Variants in CFAP57 observed in about 807,000 individuals in gnomAD.
CFAP57 encodes cilia- and flagella-associated protein 57.
Under a neutral mutation model 146.8 loss-of-function variants are expected in CFAP57, and 116 were observed. The ratio of observed to expected loss-of-function variants is 0.79; its 90% CI spans 0.68 to 0.92. The LOEUF is 0.92. CFAP57 is among the 40% of genes least tolerant of loss of function. CFAP57 has a pLI of 0.00. For synonymous variants in CFAP57, 518 were observed against 552.8 expected (o/e 0.94, Z 0.88); for missense variants, 1,377 against 1,527.2 (o/e 0.90, Z 1.64).
At chr1:43,192,888 T>TTG (rs1360478126) in intron 6 of CFAP57, among the ~76,000 whole-genome samples, 1 of 151,996 alleles carries the variant, frequency 6.6e-6, no homozygotes, top group African/African-American at 2.4e-5. Flanking sequence ...GATCATGCCA[T>TTG]TGTACTCCAG....
chr1:43,223,798 C>G (rs550487558), intron 16 of CFAP57, among the ~76,000 whole-genome samples: 3 of 152,314 alleles, frequency 2.0e-5, no homozygotes, highest in African/African-American at 7.2e-5. Context: ...AGTCAGTCCT[C>G]TCATATGGAG....
At position 43,227,142 on chromosome 1, in the gene CFAP57, C is replaced by T; in HGVS notation, c.3009+16C>T. 1 of 1,519,956 alleles carries T rather than the reference C, an allele frequency of 6.6e-7. No individual in the cohort carries two copies. Among genetic ancestry groups the T allele is most frequent in the South Asian group, 1.3e-5 (1 of 78,572 alleles). The allele number at this position is 1,519,956 out of a possible 1,614,324, so 94.2% of individuals were successfully genotyped here. A position where few individuals can be genotyped will look rare whatever the true frequency, so the allele number is the denominator to read the frequency against. ...GATTCAGGAGGTAAGAAGCCATTTG[C>T]AACACTCTGGCCTCTCAGACCCTCT... On this transcript the variant is annotated intron_variant, in intron 18 of 22. Coordinates refer to ENST00000372492, the MANE Select transcript of CFAP57 (RefSeq NM_001378189.1).
At position 43,198,555 on chromosome 1, in the gene CFAP57, T is replaced by C. The variant is rs745387050; in HGVS notation, c.1337T>C (p.Val446Ala). 1 of 1,614,124 alleles carries C rather than the reference T, an allele frequency of 6.2e-7. No individual in the cohort carries two copies. The highest frequency in any genetic ancestry group is 8.5e-7 in the Non-Finnish European group (1 of 1,179,986). The change falls in exon 8 of 23, where the codon GTA becomes GCA. Residue 446 changes from valine (V) to alanine (A), a missense_variant. Transcript: ENST00000372492. Reference sequence around the variant, plus strand: ...CTTCATCCATCTGGACACTTCATTGTAGTAGGGTTTGCTGACAAACTACGC... The same window carrying C: ...CTTCATCCATCTGGACACTTCATTGCAGTAGGGTTTGCTGACAAACTACGC... ...ISLHPSGHFI[V>A]VGFADKLRLM...
chr1:43,209,495 A>C (rs1239215805), intron 10 of CFAP57, among the ~76,000 whole-genome samples: 3 of 152,210 alleles, frequency 2.0e-5, no homozygotes, highest in Non-Finnish European at 2.9e-5. Flanking sequence ...CTATATGAAT[A>C]TCTCTCTCTA....
Position 43,206,711 on chromosome 1 carries a change from C to T in CFAP57, c.1543-9C>T, listed in dbSNP as rs372372259. 1.2e-6 allele frequency: 2 copies of T among 1,612,918 alleles called. No homozygotes were observed. The highest frequency in any genetic ancestry group is 2.2e-5 in the East Asian group (1 of 44,828). Reference sequence around the variant, plus strand: ...CACTCTTCACTGGATATGTCTTCCTCTCCTGCAGATTCGCTCAATTGTGTG... The same window carrying T: ...CACTCTTCACTGGATATGTCTTCCTTTCCTGCAGATTCGCTCAATTGTGTG... On this transcript the variant is annotated splice_polypyrimidine_tract_variant and intron_variant, in intron 9 of 22. Transcript: ENST00000372492.
Position 43,224,097 on chromosome 1 carries a change from C to G in CFAP57, c.2758C>G (p.Leu920Val). ...AGAACGAACCAATGACATCGAGACC[C>G]TAAAAGGAGAGCAGATGAAGCTGCA... is the stretch of plus-strand genomic sequence containing the variant. ...IEERTNDIET[L>V]KGEQMKLQGV... is the part of the protein sequence containing the mutation. Residue 920 changes from leucine to valine, a missense_variant, in exon 17 of 23, where the codon CTA (leucine) becomes GTA (valine). Coordinates refer to ENST00000372492, the MANE Select transcript of CFAP57 (RefSeq NM_001378189.1). 1 of 1,550,532 alleles carries G rather than the reference C, an allele frequency of 6.4e-7. No homozygotes were observed. Among genetic ancestry groups the G allele is most frequent in the Non-Finnish European group, 8.7e-7 (1 of 1,146,974 alleles).
rs770678497 is a variant in CFAP57, at chr1:43,224,024, T to C, written c.2707-22T>C. 8 of 1,550,100 alleles carry C rather than the reference T, an allele frequency of 5.2e-6. No homozygotes were observed. The East Asian group carries it at 1.5e-4, about 28-fold the overall frequency. ...TGAGTTCTGACTTTAGTGGTCTTTG[T>C]TGTTGCTGTTCGCTTTTCTAGTTCA... On this transcript the variant is annotated intron_variant, in intron 16 of 22. Transcript: ENST00000372492.
chr1:43,248,017 C>T (rs1277231116), intron 22 of CFAP57, among the ~76,000 whole-genome samples: 1 of 151,016 alleles, frequency 6.6e-6, no homozygotes, highest in Non-Finnish European at 1.5e-5. Flanking sequence ...CCCAGCTACT[C>T]GGGAGGTAGC....
chr1:43,212,945 A>AAG (rs1404734732), intron 11 of CFAP57, among the ~76,000 whole-genome samples: 11 of 151,378 alleles, frequency 7.3e-5, no homozygotes, highest in Admixed American at 3.3e-4. Context: ...CAAAAAAAAA[A>AAG]AAAAAGAAAG....
intron 16 of CFAP57, 106 bp from the exon 17 acceptor site, chr1:43,223,940 C>T: frequency 7.6e-7 from 1 of 1,319,506 alleles, no homozygotes; most frequent in East Asian, 2.5e-5. Context: ...GTTTTCAGTC[C>T]ACAGAAGGTG....
rs533456235 is a variant in CFAP57 at position 43,220,193 on chromosome 1, C to T, written c.2247+656C>T. 3.3e-5 allele frequency among the ~76,000 whole-genome samples: 5 copies of T among 151,956 alleles called. No individual in the cohort carries two copies. In the East Asian group the frequency reaches 9.7e-4, roughly 29 times the overall value. On this transcript the variant is annotated intron_variant, in intron 13 of 22. Transcript: ENST00000372492. Reference sequence around the variant, plus strand: ...TGTTTTACATACTTTTTGTAATTTCCAAATTCTCTACAATGAGAATTATGA... The same window carrying T: ...TGTTTTACATACTTTTTGTAATTTCTAAATTCTCTACAATGAGAATTATGA...
chr1:43,197,440 C>A (rs928006330), intron 6 of CFAP57, 113 bp from the exon 7 acceptor site: 87 of 1,306,072 alleles, frequency 6.7e-5, no homozygotes, highest in Non-Finnish European at 9.0e-5. Context: ...TTAGCCACAG[C>A]CTGATTTCTG....
At position 43,181,751 on chromosome 1, in the gene CFAP57, G is replaced by C. The variant is rs142849148; in HGVS notation, c.375G>C (p.Gln125His). Reference protein sequence around the residue: ...FSPDSKYLLAQTSPPESNLVY... With the variant: ...FSPDSKYLLAHTSPPESNLVY... Reference sequence around the variant, plus strand: ...CAGACTCCAAATACCTATTGGCTCAGACGTCACCTCCAGAGTCAAATCTTG... The same window carrying C: ...CAGACTCCAAATACCTATTGGCTCACACGTCACCTCCAGAGTCAAATCTTG... Residue 125 changes from glutamine to histidine, a missense_variant, in exon 3 of 23, where the codon CAG becomes CAC. Coordinates refer to ENST00000372492, the MANE Select transcript of CFAP57 (RefSeq NM_001378189.1). 368 of 1,614,020 alleles carry C rather than the reference G, an allele frequency of 2.3e-4. 1 individual carries two copies. The highest frequency in any genetic ancestry group is 3.8e-5 in the Non-Finnish European group (45 of 1,180,042).
chr1:43,210,275 G>C (rs1570112246), intron 11 of CFAP57: 9 of 1,450,968 alleles, frequency 6.2e-6, no homozygotes, highest in Non-Finnish European at 7.2e-6. Context: ...AGGAGCCATA[G>C]CCCTGAAGAT....
Position 43,232,559 on chromosome 1 carries a change from AACATC to A in CFAP57, c.3065_3069del (p.Ile1022ArgfsTer31). The A allele has an allele frequency of 6.5e-7, 1 of 1,550,186 alleles. No individual in the cohort carries two copies. The highest frequency in any genetic ancestry group is 2.4e-5 in the East Asian group (1 of 40,922). On this transcript the variant is annotated frameshift_variant, in exon 19 of 23. Coordinates refer to ENST00000372492, the MANE Select transcript of CFAP57 (RefSeq NM_001378189.1). LOFTEE classifies it high-confidence loss of function. ...TAAGCAGAACACTCAACTGGAGCTG[AACATC>A]ACAGAATTGTGGCAGAAACTGAGAG...
intron 6 of CFAP57, among the ~76,000 whole-genome samples, chr1:43,192,974 A>G (rs556632982): frequency 1.4e-4 from 21 of 152,018 alleles, no homozygotes; most frequent in African/African-American, 4.6e-4. Flanking sequence ...GCAATCTTCA[A>G]CTCCTATTGT....
chr1:43,190,434 C>A (rs774050568), intron 6 of CFAP57, among the ~76,000 whole-genome samples: 65 of 152,142 alleles, frequency 4.3e-4, no homozygotes, highest in Non-Finnish European at 7.4e-4. Flanking sequence ...CCATGCCCAG[C>A]TAATTTTTTG....
intron 6 of CFAP57, chr1:43,194,749 C>A (rs980309617): frequency 3.9e-5 from 6 of 152,142 alleles, no homozygotes; most frequent in Non-Finnish European, 8.8e-5. Context: ...TTTTTCATTT[C>A]AGTTATTGTA....
At chr1:43,207,421 A>C (rs753936895) in intron 10 of CFAP57, among the ~76,000 whole-genome samples, 13 of 152,218 alleles carry the variant, frequency 8.5e-5, no homozygotes, top group Non-Finnish European at 1.3e-4. Flanking sequence ...ATTGCGTCAC[A>C]GTTGCCTACA....
Sources: gnomAD v4.1 joint callset for allele counts (sites outside exome capture counted in the v4.1 genomes callset) on GRCh38, gnomAD v4.1.1 for gene constraint, MANE v1.5 for transcripts, NCBI Gene and HGNC (gene_info 2026-07-23, HGNC 2026-07-21) for gene names.